FARS2: variants seen among roughly 807,000 people sequenced by gnomAD.
FARS2 encodes phenylalanyl-tRNA synthetase 2, mitochondrial.
In FARS2, 40 loss-of-function variants were observed where a neutral mutation model predicts 46.4. That is an observed-to-expected ratio of 0.86 (90% CI 0.67 to 1.12). The LOEUF is 1.12. Ranked by LOEUF, FARS2 falls within the 50% of genes most tolerant of loss-of-function variation. The pLI, the probability that FARS2 is intolerant of heterozygous loss-of-function variation, is 0.00. For missense variants in FARS2, 513 were observed against 567.9 expected (o/e 0.90, Z 0.98); for synonymous variants, 234 against 214.9 (o/e 1.09, Z -0.78).
chr6:5,287,610 C>A (rs994399998), intron 1 of FARS2, among the ~76,000 whole-genome samples: 3 of 152,162 alleles, frequency 2.0e-5, no homozygotes, highest in Non-Finnish European at 2.9e-5. Flanking sequence ...AGCCCTTCCC[C>A]GTCCCACAGA....
chr6:5,660,588 G>T (rs1777803790), intron 6 of FARS2, among the ~76,000 whole-genome samples: 1 of 150,912 alleles, frequency 6.6e-6, no homozygotes. Flanking sequence ...GTCAAGGACT[G>T]CAGTGAGGCA....
In FARS2 at chr6:5,562,226, G is replaced by T. The variant is rs532317869; in HGVS notation, c.1065+16886G>T. 2.6e-5 allele frequency among the ~76,000 whole-genome samples: 4 copies of T among 151,506 alleles called. No individual in the cohort carries two copies. The East Asian group carries it at 5.8e-4, about 22-fold the overall frequency. On this transcript the variant is annotated intron_variant, in intron 5 of 6. Coordinates refer to ENST00000274680, the MANE Select transcript of FARS2 (RefSeq NM_006567.5). ...TACATGCTCATTTCCCCCCATTTTT[G>T]ATTATCACCACTTGTCCATCTTGTC... is the stretch of plus-strand genomic sequence containing the variant.
At chr6:5,480,694 C>G (rs1436521766) in intron 4 of FARS2, among the ~76,000 whole-genome samples, 2 of 152,192 alleles carry the variant, frequency 1.3e-5, no homozygotes, top group East Asian at 3.9e-4. Flanking sequence ...CTCTCTGCCA[C>G]TCTGTCCCCT....
intron 6 of FARS2, among the ~76,000 whole-genome samples, chr6:5,648,856 T>G (rs948707991): frequency 6.6e-6 from 1 of 152,188 alleles, no homozygotes; most frequent in African/African-American, 2.4e-5. Context: ...GGAAGAAGGA[T>G]TTTGTCTCCA....
chr6:5,599,920 G>A (rs1774415822), intron 5 of FARS2, among the ~76,000 whole-genome samples: 1 of 151,578 alleles, frequency 6.6e-6, no homozygotes, highest in Admixed American at 6.6e-5. Context: ...ATTAAGTTCA[G>A]GCAGGGGCAT....
At chr6:5,486,370 A>T (rs1258554461) in intron 4 of FARS2, among the ~76,000 whole-genome samples, 1 of 152,222 alleles carries the variant, frequency 6.6e-6, no homozygotes, top group Non-Finnish European at 1.5e-5. Context: ...GTTTCCACGC[A>T]GAACAGGTCT....
At chr6:5,677,443 C>T (rs986629964) in intron 6 of FARS2, among the ~76,000 whole-genome samples, 3 of 152,328 alleles carry the variant, frequency 2.0e-5, no homozygotes, top group African/African-American at 2.4e-5. Flanking sequence ...AATGAACCAG[C>T]GTAATCAAAT....
chr6:5,273,660 GA>G (rs1766123882), intron 1 of FARS2, among the ~76,000 whole-genome samples: 1 of 152,142 alleles, frequency 6.6e-6, no homozygotes, highest in African/African-American at 2.4e-5. Context: ...TTTGCTTACA[GA>G]AGCGTTTTTG....
Position 5,311,393 on chromosome 6 carries a change from T to A in FARS2, c.-22+49733T>A, listed in dbSNP as rs772795460. Among the ~76,000 whole-genome samples the A allele has an allele frequency of 6.6e-6, 1 of 151,996 alleles. No homozygotes were observed. The highest frequency in any genetic ancestry group is 1.5e-5 in the Non-Finnish European group (1 of 67,988). On this transcript the variant is annotated intron_variant, in intron 1 of 6. Coordinates refer to ENST00000274680, the MANE Select transcript of FARS2 (RefSeq NM_006567.5). This position sits in a 1 kb window ranked among gnomAD's most constrained non-coding sequence, Gnocchi z 4.1. ...ACTGAGTTGGAGATACAGAAGGGGG[T>A]CCTATTTCAGTCACGTGTGTGTGTG...
rs1214251613 is a variant in FARS2 at position 5,343,271 on chromosome 6, G to A, written c.-21-25279G>A. Reference sequence around the variant, plus strand: ...TCGTTGCCCAGGCTGGAGTGCAGTGGCGCGATCTTGGCTCACTGCAACCTT... The same window carrying A: ...TCGTTGCCCAGGCTGGAGTGCAGTGACGCGATCTTGGCTCACTGCAACCTT... On this transcript the variant is annotated intron_variant, in intron 1 of 6. Transcript: ENST00000274680. The surrounding 1 kb of genome is among the most constrained non-coding windows in gnomAD (Gnocchi z 4.5). Among the ~76,000 whole-genome samples the A allele has an allele frequency of 6.6e-6, 1 of 152,162 alleles. No individual in the cohort carries two copies. Among genetic ancestry groups the A allele is most frequent in the Non-Finnish European group, 1.5e-5 (1 of 68,028 alleles).
intron 1 of FARS2, among the ~76,000 whole-genome samples, chr6:5,321,375 TAGA>T (rs559924410): frequency 5.9e-5 from 9 of 152,180 alleles, no homozygotes; most frequent in Non-Finnish European, 1.2e-4. Flanking sequence ...AAGGTAGATC[TAGA>T]AGGATGGGTG....
chr6:5,383,439 C>G (rs2127673430), intron 2 of FARS2, among the ~76,000 whole-genome samples: 1 of 152,332 alleles, frequency 6.6e-6, no homozygotes. Context: ...CAGAATAACA[C>G]CAGCTTTTGA....
chr6:5,454,776 C>T (rs191588962), intron 4 of FARS2, among the ~76,000 whole-genome samples: 1 of 152,310 alleles, frequency 6.6e-6, no homozygotes, highest in African/African-American at 2.4e-5. Context: ...GCAATGCCTA[C>T]TCTGCTTTGC....
rs1335351630 is a variant in FARS2 at position 5,341,222 on chromosome 6, TATATATATA to T, written c.-21-27327_-21-27319del. On this transcript the variant is annotated intron_variant, in intron 1 of 6. Coordinates refer to ENST00000274680, the MANE Select transcript of FARS2 (RefSeq NM_006567.5). Reference sequence around the variant, plus strand: ...ATATATATATATATATATATATATATATATATATATATATTTTTTTTTTTTTTTTTTTTT... The same window carrying T: ...ATATATATATATATATATATATATATTATATTTTTTTTTTTTTTTTTTTTT... 6.5e-3 allele frequency among the ~76,000 whole-genome samples: 47 copies of T among 7,244 alleles called. 1 individual carries two copies. The highest frequency in any genetic ancestry group is 0.017 in the African/African-American group (37 of 2,144). The allele number at this position is 7,244 out of a possible 152,430, so 4.8% of individuals were successfully genotyped here.
chr6:5,301,046 ATGAAGGCTGTGCTTAC>A, intron 1 of FARS2, among the ~76,000 whole-genome samples: 1 of 151,294 alleles, frequency 6.6e-6, no homozygotes, highest in Non-Finnish European at 1.5e-5. Flanking sequence ...GTCCTAGAAA[ATGAAGGCTGTGCTTAC>A]TGGGGGTGGG....
At chr6:5,663,369 C>T (rs1777938651) in intron 6 of FARS2, among the ~76,000 whole-genome samples, 1 of 152,136 alleles carries the variant, frequency 6.6e-6, no homozygotes, top group African/African-American at 2.4e-5. Flanking sequence ...AAAATTCTTC[C>T]CAATATCTGT....
chr6:5,300,765 G>A (rs1455098593), intron 1 of FARS2, among the ~76,000 whole-genome samples: 1 of 151,986 alleles, frequency 6.6e-6, no homozygotes, highest in Non-Finnish European at 1.5e-5. Context: ...TCATCTCCCA[G>A]GCTCAAGCTA....
chr6:5,483,219 C>A (rs1040570061), intron 4 of FARS2, among the ~76,000 whole-genome samples: 2 of 152,188 alleles, frequency 1.3e-5, no homozygotes, highest in Non-Finnish European at 2.9e-5. Flanking sequence ...CAAAACACAC[C>A]TTTATCGTAG....
chr6:5,461,163 C>T lies in FARS2; in HGVS notation c.904+29991C>T, dbSNP rs142576593. Among the ~76,000 whole-genome samples the T allele has an allele frequency of 3.9e-3, 591 of 152,074 alleles. 6 individuals carry two copies. Among genetic ancestry groups the T allele is most frequent in the African/African-American group, 0.014 (577 of 41,478 alleles). ...AAGCAGTCCTCCCACCTCAGCCTCCCGAGTAGCTGGTACTACCGGCATGCA... is the reference window on the plus strand; with the variant it reads ...AAGCAGTCCTCCCACCTCAGCCTCCTGAGTAGCTGGTACTACCGGCATGCA... On this transcript the variant is annotated intron_variant, in intron 4 of 6. Coordinates refer to ENST00000274680, the MANE Select transcript of FARS2 (RefSeq NM_006567.5).
Sources: allele counts gnomAD v4.1 joint callset (sites outside exome capture counted in the v4.1 genomes callset), GRCh38; gene constraint gnomAD v4.1.1; non-coding constraint Gnocchi (gnomAD v3.1); transcripts MANE v1.5; gene names NCBI Gene and HGNC (gene_info 2026-07-23, HGNC 2026-07-21).